The following CSMD1 variants were observed in gnomAD, a reference collection of about 807,000 sequenced individuals.
CSMD1 encodes CUB and sushi domain-containing protein 1.
Under a neutral mutation model 417.5 loss-of-function variants are expected in CSMD1, and 213 were observed. The ratio of observed to expected loss-of-function variants is 0.51; its 90% confidence interval spans 0.46 to 0.57. The LOEUF (loss-of-function observed/expected upper bound fraction) is 0.57, where lower values mean the gene tolerates loss of function less well. Among genes scored for constraint, CSMD1 ranks in the 20% least tolerant of loss-of-function variants. CSMD1 has a pLI of 0.00. For synonymous variants in CSMD1, 2,862 were observed against 1,736.8 expected, an observed-to-expected ratio of 1.65 and a Z score of -16.11; for missense variants, 6,923 against 4,529.7, an observed-to-expected ratio of 1.53 and a Z score of -15.17.
intron 18 of CSMD1, among the ~76,000 whole-genome samples, chr8:3,387,276 T>C (rs911314855): frequency 2.6e-5 from 4 of 152,184 alleles, no homozygotes; most frequent in Non-Finnish European, 5.9e-5. Context: ...CATTCGGGGA[T>C]AAAGTTGAAG....
chr8:3,359,540 A>ATT (rs35776750), intron 20 of CSMD1, among the ~76,000 whole-genome samples, 200 bp from the exon 21 acceptor site: 12,664 of 143,626 alleles, frequency 0.088, 585 homozygotes, highest in Middle Eastern at 0.13. Flanking sequence ...GGGATTTAGT[A>ATT]TTTTTTTTTT....
At chr8:4,503,512 T>G (rs1802365790) in intron 2 of CSMD1, among the ~76,000 whole-genome samples, 1 of 152,140 alleles carries the variant, frequency 6.6e-6, no homozygotes, top group Non-Finnish European at 1.5e-5. Context: ...ATCCAAGCAC[T>G]CACACCTGAG....
intron 3 of CSMD1, among the ~76,000 whole-genome samples, chr8:4,347,158 G>T (rs1397806054): frequency 1.3e-5 from 2 of 152,038 alleles, no homozygotes; most frequent in African/African-American, 4.8e-5. Context: ...GTGACAACTG[G>T]GATCGGTGTT....
At position 4,457,105 on chromosome 8, in the gene CSMD1, G is replaced by C. The variant is rs534127917; in HGVS notation, c.303-37040C>G. 2.6e-5 allele frequency among the ~76,000 whole-genome samples: 4 copies of C among 151,796 alleles called. No individual in the cohort carries two copies. The East Asian group carries it at 7.8e-4, about 30-fold the overall frequency. On this transcript the variant is annotated intron_variant, in intron 2 of 69. Coordinates refer to ENST00000635120, the MANE Select transcript of CSMD1 (RefSeq NM_033225.6). ...CACAGAGAAAAATAATATGACTATC[G>C]ATGTGTTTCTTACTGTGAAAGAGTT...
chr8:4,289,683 G>A (rs2128866311), intron 3 of CSMD1, among the ~76,000 whole-genome samples: 2 of 152,262 alleles, frequency 1.3e-5, no homozygotes. Flanking sequence ...CAAGACATGA[G>A]CAAAACTTTC....
intron 8 of CSMD1, among the ~76,000 whole-genome samples, 157 bp from the exon 9 acceptor site, chr8:3,586,417 C>T (rs1339585003): frequency 6.6e-6 from 1 of 151,892 alleles, no homozygotes. Context: ...TAGAGGCAAC[C>T]CTGTAATTTA....
intron 1 of CSMD1, among the ~76,000 whole-genome samples, chr8:4,907,323 C>T (rs1373587992): frequency 1.3e-5 from 2 of 152,136 alleles, no homozygotes; most frequent in African/African-American, 4.8e-5. Context: ...AACTCTCTCG[C>T]TATTAACCTT....
Position 3,286,190 on chromosome 8 carries a change from C to T in CSMD1, c.3951-1844G>A, listed in dbSNP as rs547251774. Among the ~76,000 whole-genome samples the T allele has an allele frequency of 4.2e-3, 645 of 152,212 alleles. 2 individuals carry two copies. The highest frequency in any genetic ancestry group is 6.9e-3 in the Non-Finnish European group (468 of 68,024). ...TTTATGGCTGCATAGCATTCCATGG[C>T]GTATATGTGCTACAATTTCTTAATC... On this transcript the variant is annotated intron_variant, in intron 25 of 69. Transcript: ENST00000635120.
chr8:4,322,996 C>T (rs1389516009), intron 3 of CSMD1, among the ~76,000 whole-genome samples: 3 of 152,070 alleles, frequency 2.0e-5, no homozygotes, highest in African/African-American at 7.2e-5. Flanking sequence ...AAAAACTACA[C>T]TAAAATATAA....
At chr8:3,996,886 G>A (rs557281431) in intron 5 of CSMD1, among the ~76,000 whole-genome samples, 12 of 152,278 alleles carry the variant, frequency 7.9e-5, no homozygotes, top group African/African-American at 2.9e-4. Context: ...CCAATAATCG[G>A]TTTAAAACAG....
intron 5 of CSMD1, among the ~76,000 whole-genome samples, chr8:3,815,858 A>T (rs1563108442): frequency 6.6e-6 from 1 of 152,206 alleles, no homozygotes; most frequent in Non-Finnish European, 1.5e-5. Context: ...GAGAAACTAG[A>T]GCCAGTGATG....
intron 5 of CSMD1, among the ~76,000 whole-genome samples, chr8:3,987,500 T>A (rs1034266494): frequency 4.6e-5 from 7 of 152,184 alleles, no homozygotes. Flanking sequence ...ATCTCCTTTT[T>A]AAAGTCAGGA....
At chr8:3,892,785 G>A (rs550046069) in intron 5 of CSMD1, among the ~76,000 whole-genome samples, 1 of 138,764 alleles carries the variant, frequency 7.2e-6, no homozygotes, top group South Asian at 2.3e-4. Context: ...AGGACAATTT[G>A]GACAGTCTTC....
chr8:4,850,422 A>G (rs1186685207), intron 1 of CSMD1, among the ~76,000 whole-genome samples: 2 of 131,686 alleles, frequency 1.5e-5, no homozygotes, highest in Non-Finnish European at 3.2e-5. Flanking sequence ...GCCTTTAGTA[A>G]AAAACATCTT....
chr8:4,664,522 C>T (rs1442546342), intron 1 of CSMD1, among the ~76,000 whole-genome samples: 2 of 152,142 alleles, frequency 1.3e-5, no homozygotes, highest in African/African-American at 4.8e-5. Flanking sequence ...GATCATACCA[C>T]TGCATTCCAC....
intron 3 of CSMD1, among the ~76,000 whole-genome samples, chr8:4,200,953 A>C (rs1041125272): frequency 6.6e-6 from 1 of 152,138 alleles, no homozygotes; most frequent in Non-Finnish European, 1.5e-5. Context: ...CCATAACTAA[A>C]TGTCAGAAAG....
chr8:2,997,080 G>T (rs1267191953), intron 54 of CSMD1, among the ~76,000 whole-genome samples: 1 of 152,226 alleles, frequency 6.6e-6, no homozygotes. Flanking sequence ...CCTCACTCTG[G>T]TTTCCTTTGC....
chr8:3,335,695 A>G (rs1168097882), intron 23 of CSMD1, among the ~76,000 whole-genome samples: 2 of 152,178 alleles, frequency 1.3e-5, no homozygotes, highest in African/African-American at 4.8e-5. Context: ...ATAATAATAA[A>G]TAAAGGTTAA....
chr8:3,028,028 G>C (rs942000837), intron 51 of CSMD1, among the ~76,000 whole-genome samples: 33 of 152,300 alleles, frequency 2.2e-4, no homozygotes, highest in African/African-American at 6.7e-4. Context: ...CCCTGCTCTG[G>C]GAAGACAGGG....
Sources: gnomAD v4.1 joint callset for allele counts (sites outside exome capture counted in the v4.1 genomes callset) on GRCh38, gnomAD v4.1.1 for gene constraint, MANE v1.5 for transcripts, NCBI Gene and HGNC (gene_info 2026-07-23, HGNC 2026-07-21) for gene names.